The following CSNK1D variants were observed in gnomAD, a reference collection of about 807,000 sequenced individuals.
The protein encoded by CSNK1D is casein kinase I isoform delta.
CSNK1D carries 16 observed loss-of-function variants against 46.6 expected under a neutral mutation model. That is an observed-to-expected ratio of 0.34 (90% CI 0.23 to 0.52). The LOEUF (loss-of-function observed/expected upper bound fraction) is 0.52, where lower values mean the gene tolerates loss of function less well. CSNK1D is among the 20% of genes least tolerant of loss of function. The pLI is 0.95. For synonymous variants in CSNK1D, 276 were observed against 228.2 expected, an observed-to-expected ratio of 1.21 and a Z score of -1.89; for missense variants, 398 against 578.4, an observed-to-expected ratio of 0.69 and a Z score of 3.20.
At chr17:82,246,246 A>G in intron 8 of CSNK1D, 1 of 1,474,914 alleles carries the variant, frequency 6.8e-7, no homozygotes, top group Non-Finnish European at 9.0e-7. Flanking sequence ...CCTCTTCTGG[A>G]ATCACTTGCT....
At chr17:82,270,500 C>T (rs773406914) in intron 1 of CSNK1D, among the ~76,000 whole-genome samples, 3 of 152,226 alleles carry the variant, frequency 2.0e-5, no homozygotes, top group Admixed American at 6.5e-5. Flanking sequence ...ATATACACGA[C>T]ACACAGAGGT....
chr17:82,240,485 G>GGAGT (rs2050727585), downstream of CSNK1D, among the ~76,000 whole-genome samples: 1 of 152,184 alleles, frequency 6.6e-6, no homozygotes, highest in African/African-American at 2.4e-5. Flanking sequence ...GCTGACCTCA[G>GGAGT]GAGTGACCTG....
Position 82,248,341 on chromosome 17 carries a change from G to C in CSNK1D, c.1197+534C>G, listed in dbSNP as rs963181693. ...GTGGCCGTGGCTAGGCCTGGGCTGC[G>C]CAACAGGGTACTTCTCGTCCAAGGG... On this transcript the variant is annotated intron_variant, in intron 8 of 8. Coordinates refer to ENST00000314028, the MANE Select transcript of CSNK1D (RefSeq NM_001893.6). This position sits in a 1 kb window ranked among gnomAD's most constrained non-coding sequence, Gnocchi z 4.1. 7 of 993,942 alleles carry C rather than the reference G, an allele frequency of 7.0e-6. No homozygotes were observed. The South Asian group carries it at 2.6e-4, about 38-fold the overall frequency. The allele number at this position is 993,942 out of a possible 1,614,324, so 61.6% of individuals were successfully genotyped here.
rs540945161 is a variant in CSNK1D, at chr17:82,246,819, C to T, written c.1198-1988G>A. The T allele has an allele frequency of 1.0e-5, 10 of 986,342 alleles. No homozygotes were observed. In the East Asian group the frequency reaches 4.5e-4, roughly 45 times the overall value. 61.1% of individuals were successfully genotyped at this position (986,342 alleles called of 1,614,324 possible). A position where few individuals can be genotyped will look rare whatever the true frequency, so the allele number is the denominator to read the frequency against. ...GAAAGAACAGGGAAGAGCGACGGCC[C>T]GAGGAGGAAGACTGGCCGGGGATGA... On this transcript the variant is annotated intron_variant, in intron 8 of 8. Transcript: ENST00000314028.
intron 1 of CSNK1D, among the ~76,000 whole-genome samples, chr17:82,269,088 C>CT (rs1428451887): frequency 8.0e-6 from 1 of 125,726 alleles, no homozygotes; most frequent in African/African-American, 3.1e-5. Flanking sequence ...CAGAATGATA[C>CT]TTTGTCTTAA....
At chr17:82,253,511 A>G (rs2051068628) in intron 3 of CSNK1D, 3 of 475,040 alleles carry the variant, frequency 6.3e-6, no homozygotes, top group Non-Finnish European at 1.2e-5. Context: ...GAGAGGGGAC[A>G]ACCCGCCACT....
intron 1 of CSNK1D, 134 bp from the exon 2 acceptor site, chr17:82,265,930 G>T: frequency 3.8e-6 from 3 of 791,548 alleles, no homozygotes; most frequent in Middle Eastern, 2.2e-4. Flanking sequence ...TCCTAGCATA[G>T]TAAGGCGGGC....
intron 1 of CSNK1D, among the ~76,000 whole-genome samples, chr17:82,270,224 C>T (rs2051583900): frequency 6.6e-6 from 1 of 152,228 alleles, no homozygotes; most frequent in Non-Finnish European, 1.5e-5. Flanking sequence ...TGGAACACGA[C>T]AACCTGGCAG....
chr17:82,239,811 G>A (rs966734102), downstream of CSNK1D: 2 of 404,804 alleles, frequency 4.9e-6, no homozygotes, highest in African/African-American at 4.1e-5. Context: ...TGCCTGGCTG[G>A]CAGTGTGCGT....
intron 1 of CSNK1D, among the ~76,000 whole-genome samples, chr17:82,268,816 G>A (rs889019581): frequency 1.3e-5 from 2 of 152,014 alleles, no homozygotes; most frequent in African/African-American, 4.8e-5. Flanking sequence ...GATGGTGGCC[G>A]GGTGTGGTGG....
rs189794253 is a variant in CSNK1D, at chr17:82,272,652, C to G, written c.76+654G>C. Among the ~76,000 whole-genome samples the G allele has an allele frequency of 5.5e-3, 844 of 152,326 alleles. 10 individuals are homozygous for G. The highest frequency in any genetic ancestry group is 0.02 in the African/African-American group (813 of 41,570). ...CAAGGGGAACCGTTCAGAGAGAACC[C>G]CCAGCGGGAGGGCAAGCCCCACTCC... On this transcript the variant is annotated intron_variant, in intron 1 of 8. Coordinates refer to ENST00000314028, the MANE Select transcript of CSNK1D (RefSeq NM_001893.6).
chr17:82,247,352 A>G, intron 8 of CSNK1D: 1 of 985,458 alleles, frequency 1.0e-6, no homozygotes, highest in Non-Finnish European at 1.2e-6. Flanking sequence ...GAGAAAAGGC[A>G]GCTGGACTCA....
At chr17:82,240,314 GAA>G (rs1306485302), downstream of CSNK1D, among the ~76,000 whole-genome samples, 1 of 152,138 alleles carries the variant, frequency 6.6e-6, no homozygotes, top group Non-Finnish European at 1.5e-5. Flanking sequence ...GCTGAAGGGA[GAA>G]AGACGAGGAG....
chr17:82,243,714 T>C lies in CSNK1D; in HGVS notation c.*1067A>G, dbSNP rs2050782004. Reference sequence around the variant, plus strand: ...CACGTGGCAAGGACAGCCCCGCTCCTGGTTTTAAGCACAGGCATTCATACA... The same window carrying C: ...CACGTGGCAAGGACAGCCCCGCTCCCGGTTTTAAGCACAGGCATTCATACA... On this transcript the variant is annotated 3_prime_UTR_variant, in exon 9 of 9. Coordinates refer to ENST00000314028, the MANE Select transcript of CSNK1D (RefSeq NM_001893.6). 2 of 985,464 alleles carry C rather than the reference T, an allele frequency of 2.0e-6. No individual in the cohort carries two copies. The highest frequency in any genetic ancestry group is 2.4e-6 in the Non-Finnish European group (2 of 829,958). The allele number at this position is 985,464 out of a possible 1,614,324, so 61.0% of individuals were successfully genotyped here.
intron 2 of CSNK1D, among the ~76,000 whole-genome samples, chr17:82,258,918 G>A (rs1004256194): frequency 6.6e-6 from 1 of 152,338 alleles, no homozygotes; most frequent in East Asian, 1.9e-4. Flanking sequence ...AGTAAGTGCT[G>A]GTGTTTGCAG....
At chr17:82,261,910 C>G (rs1340918664) in intron 2 of CSNK1D, among the ~76,000 whole-genome samples, 3 of 152,242 alleles carry the variant, frequency 2.0e-5, no homozygotes, top group Admixed American at 6.5e-5. Context: ...TCCCTCAAAC[C>G]ATGCCTACCA....
intron 2 of CSNK1D, among the ~76,000 whole-genome samples, chr17:82,262,408 C>A (rs1182347880): frequency 6.6e-6 from 1 of 152,214 alleles, no homozygotes; most frequent in Non-Finnish European, 1.5e-5. Context: ...CTGCTATGGG[C>A]AGTGACCAGT....
chr17:82,268,450 G>A (rs1809311723), intron 1 of CSNK1D, among the ~76,000 whole-genome samples: 1 of 152,232 alleles, frequency 6.6e-6, no homozygotes, highest in Admixed American at 6.5e-5. Context: ...GCAGCATTTT[G>A]ACCTTATACA....
intron 1 of CSNK1D, chr17:82,272,103 G>A (rs1387318551): frequency 6.6e-6 from 1 of 152,274 alleles, no homozygotes; most frequent in African/African-American, 2.4e-5. Context: ...CAGCACTTCG[G>A]GAGGCCGAAC....
Sources: gnomAD v4.1 joint callset for allele counts (sites outside exome capture counted in the v4.1 genomes callset) on GRCh38, gnomAD v4.1.1 for gene constraint, Gnocchi (gnomAD v3.1) non-coding constraint, MANE v1.5 for transcripts, NCBI Gene and HGNC (gene_info 2026-07-23, HGNC 2026-07-21) for gene names.